ZNF385D: variants seen among roughly 807,000 people sequenced by gnomAD.
ZNF385D encodes the protein zinc finger protein 385D.
A neutral mutation model predicts 35.8 loss-of-function variants in ZNF385D; 15 were observed. The ratio of observed to expected loss-of-function variants is 0.42; its 90% CI spans 0.28 to 0.64. ZNF385D has a LOEUF of 0.64. Ranked by LOEUF, ZNF385D falls within the 30% of genes least tolerant of loss-of-function variation. The pLI is 0.23. For synonymous variants in ZNF385D, 212 were observed against 186.8 expected (o/e 1.13, Z -1.10); for missense variants, 474 against 494.6 (o/e 0.96, Z 0.39).
At chr3:21,515,866 T>C (rs1423774104) in intron 3 of ZNF385D, among the ~76,000 whole-genome samples, 1 of 152,240 alleles carries the variant, frequency 6.6e-6, no homozygotes, top group Non-Finnish European at 1.5e-5. Flanking sequence ...AATCCTTTAC[T>C]GCACAGGAGT....
intron 1 of ZNF385D, among the ~76,000 whole-genome samples, chr3:21,689,130 CAAAAAAAAA>C (rs5847126): frequency 1.3e-4 from 15 of 114,342 alleles, no homozygotes; most frequent in Middle Eastern, 4.4e-3. Flanking sequence ...CTTATTGAAG[CAAAAAAAAA>C]AAAAAAAAAA....
rs116048151 is a variant in ZNF385D, at chr3:22,166,431, C to A, written c.325+2386G>T. Among the ~76,000 whole-genome samples, 993 of 152,236 alleles carry A rather than the reference C, an allele frequency of 6.5e-3. 9 individuals are homozygous for A. The highest frequency in any genetic ancestry group is 0.022 in the African/African-American group (932 of 41,546). ...ACAGAATATTCACTTTGGGAAACAGCCTTTCAAAGTACAGATACTTAAGTG... is the reference window on the plus strand; with the variant it reads ...ACAGAATATTCACTTTGGGAAACAGACTTTCAAAGTACAGATACTTAAGTG... On this transcript the variant is annotated intron_variant, in intron 3 of 5. Coordinates refer to the ZNF385D transcript ENST00000494108.
chr3:21,697,944 A>C (rs756185629), intron 1 of ZNF385D, among the ~76,000 whole-genome samples: 7 of 152,192 alleles, frequency 4.6e-5, no homozygotes, highest in African/African-American at 1.2e-4. Context: ...AAAGCAAAAA[A>C]CCAACAGATA....
chr3:21,573,084 T>TCTTAACCATCACA (rs2063381709), intron 2 of ZNF385D, among the ~76,000 whole-genome samples: 1 of 152,166 alleles, frequency 6.6e-6, no homozygotes, highest in South Asian at 2.1e-4. Flanking sequence ...CAGTCTGTAC[T>TCTTAACCATCACA]CTTAACCATC....
intron 3 of ZNF385D, among the ~76,000 whole-genome samples, chr3:21,878,418 G>C (rs933371658): frequency 2.6e-5 from 4 of 152,036 alleles, no homozygotes; most frequent in African/African-American, 9.7e-5. Flanking sequence ...ACAGCAGTAT[G>C]AAGGCATTAA....
chr3:21,901,128 C>A (rs903106518), intron 3 of ZNF385D, among the ~76,000 whole-genome samples: 1 of 152,186 alleles, frequency 6.6e-6, no homozygotes, highest in Admixed American at 6.6e-5. Flanking sequence ...TTATTTAATT[C>A]TCAATATAAT....
chr3:21,706,580 C>T (rs572014406), intron 1 of ZNF385D, among the ~76,000 whole-genome samples: 65 of 152,282 alleles, frequency 4.3e-4, no homozygotes, highest in African/African-American at 1.5e-3. Context: ...TTCTCAAACT[C>T]ATGTCTACTT....
Position 21,453,691 on chromosome 3 carries a change from T to A in ZNF385D, c.440-16488A>T, listed in dbSNP as rs367662004. ...ATGGCTATAATAATAAAAAACTAAA[T>A]TAAAAATAAAACAACATAACTAGTG... On this transcript the variant is annotated intron_variant, in intron 4 of 7. Transcript: ENST00000281523. Among the ~76,000 whole-genome samples, 3 of 152,012 alleles carry A rather than the reference T, an allele frequency of 2.0e-5. No homozygotes were observed. In the East Asian group the frequency reaches 5.8e-4, roughly 29 times the overall value.
At chr3:21,989,835 C>A (rs1334122520) in intron 3 of ZNF385D, among the ~76,000 whole-genome samples, 1 of 152,146 alleles carries the variant, frequency 6.6e-6, no homozygotes, top group Non-Finnish European at 1.5e-5. Context: ...CAAGCTGTGC[C>A]ACTTTCACAT....
intron 3 of ZNF385D, among the ~76,000 whole-genome samples, chr3:22,021,847 T>C (rs1323839479): frequency 1.3e-5 from 2 of 152,072 alleles, no homozygotes; most frequent in Non-Finnish European, 2.9e-5. Context: ...CCTGGGATTA[T>C]GATTTAATTA....
In ZNF385D at chr3:21,808,805, C is replaced by A. The variant is rs573440955; in HGVS notation, c.326-143777G>T. On this transcript the variant is annotated intron_variant, in intron 3 of 5. Transcript: ENST00000494108. ...TACATGAATCCAACCAGAATCCACACAGCAAAGCTCTGAGAATTGAACAAT... is the reference window on the plus strand; with the variant it reads ...TACATGAATCCAACCAGAATCCACAAAGCAAAGCTCTGAGAATTGAACAAT... Among the ~76,000 whole-genome samples the A allele has an allele frequency of 4.6e-5, 7 of 152,338 alleles. 1 individual carries two copies. The highest frequency in any genetic ancestry group is 1.4e-4 in the African/African-American group (6 of 41,578).
At chr3:22,072,512 T>C (rs578139574) in intron 3 of ZNF385D, among the ~76,000 whole-genome samples, 5 of 152,196 alleles carry the variant, frequency 3.3e-5, no homozygotes, top group East Asian at 1.9e-4. Context: ...AGAAGTATTA[T>C]ACTTACTAAC....
chr3:21,761,757 C>A (rs1388362188), intron 3 of ZNF385D, among the ~76,000 whole-genome samples: 7 of 49,188 alleles, frequency 1.4e-4, no homozygotes, highest in African/African-American at 3.5e-4. Flanking sequence ...TCATTGGATT[C>A]TTCCTTTTTT....
rs118138468 is a variant in ZNF385D, at chr3:21,859,848, T to C, written c.326-194820A>G. ...TTTCCATTTGAAGCCCAAAGTGTAA[T>C]TGTGTATTCAAAGGCTCAGATCTTC... On this transcript the variant is annotated intron_variant, in intron 3 of 5. Transcript: ENST00000494108. Among the ~76,000 whole-genome samples the C allele has an allele frequency of 6.9e-3, 1,040 of 151,704 alleles. 47 individuals carry two copies. In the South Asian group the frequency reaches 0.081, roughly 12 times the overall value.
intron 3 of ZNF385D, among the ~76,000 whole-genome samples, chr3:21,956,691 A>G (rs1473209242): frequency 6.6e-6 from 1 of 150,960 alleles, no homozygotes; most frequent in African/African-American, 2.5e-5. Context: ...GATTTTCGTC[A>G]TTGGAGTAAG....
rs556479494 is a variant in ZNF385D at position 22,123,125 on chromosome 3, G to C, written c.325+45692C>G. ...TGGATGATGAGTTGATAGATTGTTG[G>C]GAGTGATTAGAATAGCATAAGATGA... On this transcript the variant is annotated intron_variant, in intron 3 of 5. Coordinates refer to the ZNF385D transcript ENST00000494108. Among the ~76,000 whole-genome samples the C allele has an allele frequency of 2.6e-5, 4 of 152,064 alleles. No individual in the cohort carries two copies. The East Asian group carries it at 7.8e-4, about 30-fold the overall frequency.
intron 4 of ZNF385D, among the ~76,000 whole-genome samples, chr3:21,474,550 C>A (rs1313494446): frequency 2.6e-5 from 4 of 152,088 alleles, no homozygotes; most frequent in African/African-American, 7.2e-5. Flanking sequence ...TCATCAGATA[C>A]ACACAAATGA....
intron 4 of ZNF385D, among the ~76,000 whole-genome samples, chr3:21,493,934 T>C (rs544551438): frequency 6.6e-6 from 1 of 152,304 alleles, no homozygotes; most frequent in Non-Finnish European, 1.5e-5. Flanking sequence ...TGTATATTCA[T>C]ATTGAAAAAT....
intron 2 of ZNF385D, among the ~76,000 whole-genome samples, chr3:22,349,721 A>C (rs1462910167): frequency 6.6e-6 from 1 of 152,140 alleles, no homozygotes; most frequent in African/African-American, 2.4e-5. Flanking sequence ...AGGACACATG[A>C]ATTTTTATGC....
Sources: gnomAD v4.1 joint callset for allele counts (sites outside exome capture counted in the v4.1 genomes callset) on GRCh38, gnomAD v4.1.1 for gene constraint, MANE v1.5 for transcripts, NCBI Gene and HGNC (gene_info 2026-07-23, HGNC 2026-07-21) for gene names.